The following MROH9 variants were observed in gnomAD, a reference collection of about 807,000 sequenced individuals.
MROH9 encodes the protein maestro heat like repeat family member 9.
In MROH9, 92 loss-of-function variants were observed where a neutral mutation model predicts 98.2. That is an observed-to-expected ratio of 0.94 (90% CI 0.79 to 1.11). The LOEUF (loss-of-function observed/expected upper bound fraction) is 1.11. Among genes scored for constraint, MROH9 ranks in the 50% most tolerant of loss-of-function variants. The pLI is 0.00. For missense variants in MROH9, 1,057 were observed against 1,014.8 expected (o/e 1.04, Z -0.57); for synonymous variants, 397 against 368.9 (o/e 1.08, Z -0.87).
chr1:171,056,313 G>A (rs938968114), intron 20 of MROH9, among the ~76,000 whole-genome samples: 5 of 152,272 alleles, frequency 3.3e-5, no homozygotes, highest in African/African-American at 1.2e-4. Context: ...GAACCAGTAG[G>A]GCTGGACACC....
At chr1:170,986,759 G>A in intron 10 of MROH9, 49 bp downstream of exon 10, 1 of 1,574,292 alleles carries the variant, frequency 6.4e-7, no homozygotes, top group Non-Finnish European at 8.6e-7. Flanking sequence ...ACTCTCTAAT[G>A]TGCATTTTTG....
intron 8 of MROH9, among the ~76,000 whole-genome samples, chr1:170,972,363 A>G (rs1178495459): frequency 1.3e-5 from 2 of 152,206 alleles, no homozygotes; most frequent in African/African-American, 4.8e-5. Flanking sequence ...AAGTAATTTA[A>G]TTGCATTTTA....
At chr1:170,963,746 A>T (rs1650119313) in intron 6 of MROH9, among the ~76,000 whole-genome samples, 1 of 152,128 alleles carries the variant, frequency 6.6e-6, no homozygotes, top group Non-Finnish European at 1.5e-5. Context: ...AAAACCAAAT[A>T]CTGCATGTTC....
intron 1 of MROH9, among the ~76,000 whole-genome samples, chr1:170,943,277 A>C (rs988355375): frequency 6.6e-6 from 1 of 152,100 alleles, no homozygotes; most frequent in Non-Finnish European, 1.5e-5. Context: ...CAGGAAAAAA[A>C]TGGAGTGTTA....
chr1:171,025,889 T>A (rs1652693984), intron 20 of MROH9, among the ~76,000 whole-genome samples: 2 of 152,160 alleles, frequency 1.3e-5, no homozygotes, highest in South Asian at 4.1e-4. Context: ...CTAGACAAGT[T>A]TTTTATATCA....
chr1:171,041,412 C>CAG, intron 20 of MROH9, among the ~76,000 whole-genome samples: 1 of 124,798 alleles, frequency 8.0e-6, no homozygotes, highest in African/African-American at 3.4e-5. Context: ...GATACATACA[C>CAG]ACACACACAC....
intron 2 of MROH9, 122 bp from the exon 3 acceptor site, chr1:170,947,405 C>T: frequency 5.5e-6 from 4 of 728,102 alleles, no homozygotes; most frequent in East Asian, 2.6e-5. Context: ...TGTGTGTGTG[C>T]ATGTCCTTGT....
chr1:170,987,780 A>G (rs546641135), intron 10 of MROH9, among the ~76,000 whole-genome samples: 14 of 152,236 alleles, frequency 9.2e-5, no homozygotes, highest in African/African-American at 3.4e-4. Context: ...TTCAATTTTT[A>G]TCATTCATAT....
intron 20 of MROH9, among the ~76,000 whole-genome samples, chr1:171,036,287 T>C (rs1653095783): frequency 1.3e-5 from 2 of 152,246 alleles, no homozygotes; most frequent in Admixed American, 6.5e-5. Flanking sequence ...ACCTTAGATG[T>C]GGTCACTGTG....
In MROH9 at chr1:170,995,441, T is replaced by A; in HGVS notation, c.1247T>A (p.Val416Glu). Residue 416 changes from valine to glutamate, a missense_variant, in exon 13 of 22, where the codon GTG becomes GAG. Physicochemically the swap from Val to Glu is moderately radical, Grantham distance 121 (BLOSUM62 -2). Coordinates refer to ENST00000367759, the MANE Select transcript of MROH9 (RefSeq NM_001163629.2). ...CCTCTTGGTTCCTACAGGAAAGCGG[T>A]GGCCCAGTATTTCCCCCAGCTCTTG... ...FLPLGSYRKA[V>E]AQYFPQLLTT... The A allele has an allele frequency of 6.2e-7, 1 of 1,613,460 alleles. No homozygotes were observed. The highest frequency in any genetic ancestry group is 8.5e-7 in the Non-Finnish European group (1 of 1,179,568).
intron 8 of MROH9, among the ~76,000 whole-genome samples, chr1:170,980,138 ATAT>A (rs1218987865): frequency 6.6e-6 from 1 of 152,190 alleles, no homozygotes; most frequent in Non-Finnish European, 1.5e-5. Flanking sequence ...GAAAGAATCA[ATAT>A]TATGAAAATG....
intron 1 of MROH9, among the ~76,000 whole-genome samples, chr1:170,939,463 T>A (rs6662724): frequency 5.3e-5 from 8 of 152,256 alleles, no homozygotes; most frequent in Admixed American, 5.2e-4. Flanking sequence ...CTGTATATCA[T>A]GTAGAACCAA....
At position 170,986,696 on chromosome 1, in the gene MROH9, G is replaced by A. The variant is rs754335398; in HGVS notation, c.865G>A (p.Glu289Lys). ...ILIFTLEFHA[E>K]KVTMVSKIVD... is the part of the protein sequence containing the mutation. ...GATATTTACTCTGGAATTTCATGCC[G>A]AGAAGGTCACCATGGTAAGATACTT... The change falls in exon 10 of 22, where the codon GAG (glutamate) becomes AAG (lysine). Residue 289 changes from glutamate (E) to lysine (K), a missense_variant. By Grantham distance (56) the Glu-to-Lys change is moderately conservative (BLOSUM62 1). Coordinates refer to ENST00000367759, the MANE Select transcript of MROH9 (RefSeq NM_001163629.2). 8 of 1,613,648 alleles carry A rather than the reference G, an allele frequency of 5.0e-6. No individual in the cohort carries two copies. Among genetic ancestry groups the A allele is most frequent in the East Asian group, 2.2e-5 (1 of 44,860 alleles).
At chr1:171,007,257 T>G (rs2101825499) in intron 15 of MROH9, among the ~76,000 whole-genome samples, 1 of 152,324 alleles carries the variant, frequency 6.6e-6, no homozygotes, top group East Asian at 1.9e-4. Context: ...GGTGTGTCTC[T>G]TCTCTGGTTC....
At chr1:170,947,169 A>G (rs550274858) in intron 2 of MROH9, among the ~76,000 whole-genome samples, 3 of 152,158 alleles carry the variant, frequency 2.0e-5, no homozygotes, top group Admixed American at 6.5e-5. Context: ...TCATATTTAA[A>G]ATCTTATAAA....
chr1:170,948,552 T>C (rs1292455048), intron 3 of MROH9, among the ~76,000 whole-genome samples: 2 of 152,104 alleles, frequency 1.3e-5, no homozygotes, highest in African/African-American at 2.4e-5. Context: ...CAAATATTTA[T>C]TGAGAATCTA....
Position 171,024,303 on chromosome 1 carries a change from G to GTGTGTGTGTGT in MROH9, c.1909-92_1909-91insTGTGTGTGTGT, listed in dbSNP as rs1553219583. 3.0e-3 allele frequency: 2,019 copies of GTGTGTGTGTGT among 669,926 alleles called. 35 individuals carry two copies. The highest frequency in any genetic ancestry group is 0.027 in the African/African-American group (1,448 of 53,308). 41.5% of individuals were successfully genotyped at this position (669,926 alleles called of 1,614,324 possible). A position where few individuals can be genotyped will look rare whatever the true frequency, so the allele number is the denominator to read the frequency against. ...ATACATATATAGTATATTTATATGG[G>GTGTGTGTGTGT]GTGTGTGTGTGTGTGTGTGTGTGTG... On this transcript the variant is annotated intron_variant, in intron 17 of 21. Transcript: ENST00000367759.
chr1:170,964,882 T>C (rs1362476240), intron 6 of MROH9, among the ~76,000 whole-genome samples: 1 of 152,096 alleles, frequency 6.6e-6, no homozygotes, highest in Non-Finnish European at 1.5e-5. Flanking sequence ...GAACTATTCA[T>C]GGTGCCTAAC....
rs1650565409 is a variant in MROH9, at chr1:170,973,629, A to G, written c.616+1746A>G. Reference sequence around the variant, plus strand: ...GGTGGCTCATGCCTGTAATCCCAGCACTTTTGGAGGCCGAGGCGGGCAGAT... The same window carrying G: ...GGTGGCTCATGCCTGTAATCCCAGCGCTTTTGGAGGCCGAGGCGGGCAGAT... On this transcript the variant is annotated intron_variant, in intron 8 of 21. Transcript: ENST00000367759. Among the ~76,000 whole-genome samples, 6 of 152,354 alleles carry G rather than the reference A, an allele frequency of 3.9e-5. No homozygotes were observed. The South Asian group carries it at 1.2e-3, about 32-fold the overall frequency.
Sources: gnomAD v4.1 joint callset for allele counts (sites outside exome capture counted in the v4.1 genomes callset) on GRCh38, gnomAD v4.1.1 for gene constraint, MANE v1.5 for transcripts, NCBI Gene and HGNC (gene_info 2026-07-23, HGNC 2026-07-21) for gene names.